Variants in STARD9 observed in about 807,000 individuals in gnomAD.
STARD9 encodes the protein StAR related lipid transfer domain containing 9.
Under a neutral mutation model 399.8 loss-of-function variants are expected in STARD9, and 346 were observed. The ratio of observed to expected loss-of-function variants is 0.87; its 90% CI spans 0.79 to 0.95. The LOEUF (loss-of-function observed/expected upper bound fraction) is 0.95, where lower values mean the gene tolerates loss of function less well. Among genes scored for constraint, STARD9 ranks in the 40% least tolerant of loss-of-function variants. The pLI is 0.00. For synonymous variants in STARD9, 2,203 were observed against 2,143.5 expected (o/e 1.03, Z -0.77); for missense variants, 5,832 against 5,667.5 (o/e 1.03, Z -0.93).
intron 7 of STARD9, among the ~76,000 whole-genome samples, chr15:42,639,616 C>T (rs2059492660): frequency 6.6e-6 from 1 of 152,132 alleles, no homozygotes; most frequent in Non-Finnish European, 1.5e-5. Context: ...AATCCCAATG[C>T]TTTGGGAGGC....
At chr15:42,697,020 A>G (rs964316260) in intron 26 of STARD9, among the ~76,000 whole-genome samples, 3 of 152,230 alleles carry the variant, frequency 2.0e-5, no homozygotes, top group African/African-American at 7.2e-5. Context: ...AACGTCATTT[A>G]ACAAAATAAT....
chr15:42,638,102 A>G lies in STARD9; in HGVS notation c.446+15A>G. On this transcript the variant is annotated intron_variant, in intron 6 of 32. Transcript: ENST00000290607. ...ATAAAAGTAAGGTAAGAACCTCCCA[A>G]GCTCTGGGACCTACAGTAGTTCTTC... The G allele has an allele frequency of 4.6e-6, 7 of 1,534,834 alleles. No homozygotes were observed. Among genetic ancestry groups the G allele is most frequent in the Non-Finnish European group, 6.1e-6 (7 of 1,145,636 alleles).
intron 16 of STARD9, among the ~76,000 whole-genome samples, chr15:42,673,276 C>G (rs1355627810): frequency 6.6e-6 from 1 of 151,882 alleles, no homozygotes; most frequent in Non-Finnish European, 1.5e-5. Context: ...GTGGCAGGCA[C>G]CTGTAGTCCC....
chr15:42,671,512 G>C (rs2060201743), intron 16 of STARD9: 1 of 151,948 alleles, frequency 6.6e-6, no homozygotes, highest in Non-Finnish European at 1.5e-5. Context: ...AACTAATCCT[G>C]GTTGGCTAAA....
chr15:42,717,901 C>CT, intron 29 of STARD9, 76 bp from the exon 30 acceptor site: 1 of 1,502,838 alleles, frequency 6.7e-7, no homozygotes, highest in East Asian at 2.5e-5. Flanking sequence ...AGTCTTCACT[C>CT]TGAGCCCCTC....
In STARD9 at chr15:42,717,739, T is replaced by G. The variant is rs115890477; in HGVS notation, c.13503T>G (p.Ala4501=). The G allele has an allele frequency of 6.5e-7, 1 of 1,537,110 alleles. No individual in the cohort carries two copies. Among genetic ancestry groups the G allele is most frequent in the African/African-American group, 1.4e-5 (1 of 73,028 alleles). The part of the protein sequence containing the change: ...VVDTSMADVM[A]ACSDNLHNLF... ...GGCCATTGTGTCCCCAGGTAATGGC[T>G]GCTTGTTCGGATAATTTGCACAACC... The change falls in exon 29 of 33, where the codon GCT becomes GCG. Residue 4501 remains alanine, a synonymous_variant. Coordinates refer to ENST00000290607, the MANE Select transcript of STARD9 (RefSeq NM_020759.3).
chr15:42,663,115 C>T (rs559004157), intron 11 of STARD9, 166 bp from the exon 12 acceptor site: 139 of 752,460 alleles, frequency 1.8e-4, no homozygotes, highest in South Asian at 1.7e-3. Flanking sequence ...TCAAACATTC[C>T]ATATCGTGAG....
Position 42,719,465 on chromosome 15 carries a change from G to T in STARD9, c.14002-8G>T. ...TTGCACCTTAAATTCTTCTCTCTCT[G>T]CTTTCAGGTGGAACTTGGTGCTCCA... On this transcript the variant is annotated splice_region_variant and splice_polypyrimidine_tract_variant and intron_variant, in intron 32 of 32. Coordinates refer to ENST00000290607, the MANE Select transcript of STARD9 (RefSeq NM_020759.3). 1.0e-5 allele frequency: 16 copies of T among 1,525,542 alleles called. No homozygotes were observed. The highest frequency in any genetic ancestry group is 1.3e-5 in the Non-Finnish European group (15 of 1,136,360). The allele number at this position is 1,525,542 out of a possible 1,614,324, so 94.5% of individuals were successfully genotyped here.
rs1262794468 is a variant in STARD9 at position 42,691,102 on chromosome 15, C to A, written c.9524C>A (p.Pro3175Gln). 7.2e-6 allele frequency: 11 copies of A among 1,537,034 alleles called. No individual in the cohort carries two copies. The South Asian group carries it at 8.3e-5, about 12-fold the overall frequency. Reference sequence around the variant, plus strand: ...ACCACTAGATGTTTTTTGGAAAAGCCACAATTTTCCACTGAGTTGAGGGAT... The same window carrying A: ...ACCACTAGATGTTTTTTGGAAAAGCAACAATTTTCCACTGAGTTGAGGGAT... ...ENTTRCFLEK[P>Q]QFSTELRDHN... Residue 3175 changes from proline (P) to glutamine (Q), a missense_variant, in exon 23 of 33, where the codon CCA becomes CAA. Physicochemically the swap from Pro to Gln is moderately conservative, Grantham distance 76. This residue lies in a region of STARD9 where 5,828 missense variants were observed against 5,651.1 expected (regional missense o/e 1.03). Transcript: ENST00000290607.
intron 3 of STARD9, among the ~76,000 whole-genome samples, chr15:42,593,831 C>CT (rs989451934): frequency 6.7e-4 from 99 of 147,156 alleles, no homozygotes; most frequent in Non-Finnish European, 1.2e-3. Context: ...GCCCGGCTAA[C>CT]TTTTTTTTTT....
chr15:42,593,651 CTTCTT>C (rs2058444325), intron 3 of STARD9, among the ~76,000 whole-genome samples: 1 of 102,574 alleles, frequency 9.7e-6, no homozygotes, highest in Non-Finnish European at 2.1e-5. Context: ...TATGGTTGTG[CTTCTT>C]TTTTTTTTTT....
intron 7 of STARD9, among the ~76,000 whole-genome samples, chr15:42,644,417 C>T (rs568345570): frequency 2.6e-5 from 4 of 151,798 alleles, no homozygotes; most frequent in African/African-American, 9.7e-5. Flanking sequence ...GGCATGAACC[C>T]GGGAGGCAGA....
rs1448512913 is a variant in STARD9 at position 42,636,120 on chromosome 15, G to T, written c.351+1148G>T. ...GAGAACAGTCTAGGCAACATAGGGA[G>T]ACTCCATCTCTACAAAAAATACAAA... On this transcript the variant is annotated intron_variant, in intron 4 of 32. Coordinates refer to ENST00000290607, the MANE Select transcript of STARD9 (RefSeq NM_020759.3). 3.3e-5 allele frequency among the ~76,000 whole-genome samples: 5 copies of T among 152,238 alleles called. No homozygotes were observed. The East Asian group carries it at 9.6e-4, about 29-fold the overall frequency.
At chr15:42,649,953 G>A (rs936805792) in intron 7 of STARD9, among the ~76,000 whole-genome samples, 2 of 135,838 alleles carry the variant, frequency 1.5e-5, no homozygotes, top group African/African-American at 2.8e-5. Flanking sequence ...CACAACCTCC[G>A]CCTCCCAGGT....
rs1451012028 is a variant in STARD9, at chr15:42,720,667, A to G, written c.*1093A>G. 4 of 152,130 alleles carry G rather than the reference A, an allele frequency of 2.6e-5. No individual in the cohort carries two copies. Among genetic ancestry groups the G allele is most frequent in the Non-Finnish European group, 5.9e-5 (4 of 68,012 alleles). The allele number at this position is 152,130 out of a possible 1,614,324, so 9.4% of individuals were successfully genotyped here. On this transcript the variant is annotated 3_prime_UTR_variant, in exon 33 of 33. Coordinates refer to ENST00000290607, the MANE Select transcript of STARD9 (RefSeq NM_020759.3). The stretch of plus-strand genomic sequence containing the variant: ...AGGGGTGGGAGAGATTCTCATCTTT[A>G]GTTCTGGTGCCCAAAATCTTTGGTA...
chr15:42,684,906 G>A lies in STARD9; in HGVS notation c.3328G>A (p.Asp1110Asn), dbSNP rs1247447065. ...TGACACAGATAGCAACTACTCATTG[G>A]ATTCTCTCTCATGTGTCTATGCCAA... The part of the protein sequence containing the change: ...LSDTDSNYSL[D>N]SLSCVYAKAL... The change falls in exon 23 of 33, where the codon GAT becomes AAT. Residue 1110 changes from aspartate (D) to asparagine (N), a missense_variant. Physicochemically the swap from Asp to Asn is conservative, Grantham distance 23. This residue lies in a region of STARD9 where 5,828 missense variants were observed against 5,651.1 expected (regional missense o/e 1.03). Transcript: ENST00000290607. 3 of 1,537,048 alleles carry A rather than the reference G, an allele frequency of 2.0e-6. No individual in the cohort carries two copies. The highest frequency in any genetic ancestry group is 2.6e-6 in the Non-Finnish European group (3 of 1,146,924).
In STARD9 at chr15:42,686,961, A is replaced by G. The variant is rs2060574834; in HGVS notation, c.5383A>G (p.Lys1795Glu). The change falls in exon 23 of 33, where the codon AAG (lysine) becomes GAG (glutamate). Residue 1795 changes from lysine (K) to glutamate (E), a missense_variant. This residue lies in a region of STARD9 where 5,828 missense variants were observed against 5,651.1 expected (regional missense o/e 1.03). Transcript: ENST00000290607. Reference protein sequence around the residue: ...NHQALQGAYLKNNLPVLLQNQ... With the variant: ...NHQALQGAYLENNLPVLLQNQ... ...CCAAGCTCTCCAAGGTGCTTATTTG[A>G]AGAATAATTTGCCAGTGCTGTTACA... The G allele has an allele frequency of 2.0e-6, 3 of 1,536,382 alleles. No homozygotes were observed. Among genetic ancestry groups the G allele is most frequent in the Non-Finnish European group, 2.6e-6 (3 of 1,146,698 alleles).
chr15:42,680,309 A>G, intron 20 of STARD9, among the ~76,000 whole-genome samples: 1 of 152,076 alleles, frequency 6.6e-6, no homozygotes, highest in East Asian at 1.9e-4. Context: ...TAAAATCTAG[A>G]ATTTTTTAGG....
chr15:42,589,115 C>T (rs1474000646), intron 3 of STARD9, among the ~76,000 whole-genome samples: 1 of 151,966 alleles, frequency 6.6e-6, no homozygotes, highest in African/African-American at 2.4e-5. Flanking sequence ...ACATCCAGCT[C>T]TCCACAGCAT....
Sources: gnomAD v4.1 joint callset for allele counts (sites outside exome capture counted in the v4.1 genomes callset) on GRCh38, gnomAD v4.1.1 for gene constraint, gnomAD v4.1.1 regional missense constraint, MANE v1.5 for transcripts, NCBI Gene and HGNC (gene_info 2026-07-23, HGNC 2026-07-21) for gene names.